ITGB8: variants seen among roughly 807,000 people sequenced by gnomAD.
ITGB8 encodes the protein integrin beta-8.
ITGB8 carries 30 observed loss-of-function variants against 89.5 expected under a neutral mutation model. The observed-to-expected ratio is 0.34, with a 90% CI of 0.25 to 0.45. The LOEUF is 0.45. Among genes scored for constraint, ITGB8 ranks in the 20% least tolerant of loss-of-function variants. ITGB8 has a pLI of 1.00. For missense variants in ITGB8, 836 were observed against 933.3 expected, an observed-to-expected ratio of 0.90 and a Z score of 1.36; for synonymous variants, 335 against 320.4, an observed-to-expected ratio of 1.05 and a Z score of -0.49.
chr7:20,373,882 C>A (rs1786030616), intron 3 of ITGB8, among the ~76,000 whole-genome samples: 1 of 152,156 alleles, frequency 6.6e-6, no homozygotes, highest in African/African-American at 2.4e-5. Flanking sequence ...CCCAGTACAT[C>A]AGAGATGCTC....
At chr7:20,382,613 G>A (rs139653511) in intron 6 of ITGB8, among the ~76,000 whole-genome samples, 2 of 152,232 alleles carry the variant, frequency 1.3e-5, no homozygotes, top group African/African-American at 4.8e-5. Flanking sequence ...CTCAGTTCAT[G>A]AGACCCTAGT....
At chr7:20,404,211 A>G (rs1787437855) in intron 10 of ITGB8, among the ~76,000 whole-genome samples, 1 of 152,240 alleles carries the variant, frequency 6.6e-6, no homozygotes, top group Admixed American at 6.5e-5. Flanking sequence ...CAGCAACATC[A>G]GAAGACTGAG....
chr7:20,398,823 T>C (rs369007131), intron 8 of ITGB8, 37 bp from the exon 9 acceptor site: 2 of 1,441,972 alleles, frequency 1.4e-6, no homozygotes, highest in South Asian at 1.6e-5. Flanking sequence ...CATTTGAAAC[T>C]ACTCTCGTAT....
intron 1 of ITGB8, among the ~76,000 whole-genome samples, chr7:20,360,338 C>T (rs1199896590): frequency 2.2e-5 from 1 of 44,940 alleles, no homozygotes; most frequent in Non-Finnish European, 4.3e-5. Context: ...CATGAGACTA[C>T]AGTCCTTTAA....
intron 2 of ITGB8, chr7:20,366,351 T>A (rs1301909215): frequency 1.3e-5 from 2 of 152,182 alleles, no homozygotes; most frequent in Admixed American, 1.3e-4. Context: ...TTCTCTCACT[T>A]CTGTGCAAAT....
Position 20,404,663 on chromosome 7 carries a change from T to C in ITGB8, c.1723T>C (p.Phe575Leu), listed in dbSNP as rs370722333. ...GTGTGAAGCAGGCAGATGCCAATGC[T>C]TCAGTGGCTGGGAAGGTGATCGATG... is the stretch of plus-strand genomic sequence containing the variant. ...GECEAGRCQC[F>L]SGWEGDRCQC... The change falls in exon 11 of 14, where the codon TTC becomes CTC. Residue 575 changes from phenylalanine to leucine, a missense_variant. Coordinates refer to ENST00000222573, the MANE Select transcript of ITGB8 (RefSeq NM_002214.3). 15 of 1,614,096 alleles carry C rather than the reference T, an allele frequency of 9.3e-6. No homozygotes were observed. In the Admixed American group the frequency reaches 1.3e-4, roughly 14 times the overall value.
At chr7:20,349,893 GTATT>G (rs1218855093) in intron 1 of ITGB8, among the ~76,000 whole-genome samples, 2 of 151,900 alleles carry the variant, frequency 1.3e-5, no homozygotes, top group Non-Finnish European at 2.9e-5. Flanking sequence ...TCAATAAACT[GTATT>G]TATTTAAAAT....
Position 20,414,988 on chromosome 7 carries a change from TA to T in ITGB8, c.*5001del, listed in dbSNP as rs34332977. Reference sequence around the variant, plus strand: ...TAAAATTGTCTAATACAGCAATATTTAAAAAAAAAACACTGCAATTGTCAAG... The same window carrying T: ...TAAAATTGTCTAATACAGCAATATTTAAAAAAAAACACTGCAATTGTCAAG... On this transcript the variant is annotated 3_prime_UTR_variant, in exon 14 of 14. Coordinates refer to ENST00000222573, the MANE Select transcript of ITGB8 (RefSeq NM_002214.3). The T allele has an allele frequency of 0.67, 101,841 of 151,394 alleles. 34,676 individuals are homozygous for T. Among genetic ancestry groups the T allele is most frequent in the East Asian group, 0.99 (5,087 of 5,160 alleles). The allele number at this position is 151,394 out of a possible 1,614,324, so 9.4% of individuals were successfully genotyped here. A position where few individuals can be genotyped will look rare whatever the true frequency, so the allele number is the denominator to read the frequency against.
intron 7 of ITGB8, among the ~76,000 whole-genome samples, chr7:20,392,779 CTG>C (rs1315165705): frequency 6.6e-6 from 1 of 152,194 alleles, no homozygotes; most frequent in African/African-American, 2.4e-5. Flanking sequence ...ATTTTTCTTT[CTG>C]TGTCTGACTT....
rs116949351 is a variant in ITGB8, at chr7:20,413,200, T to C, written c.*3203T>C. 2.0e-3 allele frequency: 307 copies of C among 152,282 alleles called. 3 individuals carry two copies. The highest frequency in any genetic ancestry group is 3.7e-3 in the Non-Finnish European group (251 of 67,942). 9.4% of individuals were successfully genotyped at this position (152,282 alleles called of 1,614,324 possible). A position where few individuals can be genotyped will look rare whatever the true frequency, so the allele number is the denominator to read the frequency against. On this transcript the variant is annotated 3_prime_UTR_variant, in exon 14 of 14. Transcript: ENST00000222573. ...ACTTAAAAATTCACTAAAAATCTGA[T>C]TATGTCTTAAATGTTCAGTTTATCT...
Position 20,380,202 on chromosome 7 carries a change from T to C in ITGB8, c.636-464T>C, listed in dbSNP as rs539872514. On this transcript the variant is annotated intron_variant, in intron 4 of 13. Transcript: ENST00000222573. Reference sequence around the variant, plus strand: ...TTCTCAAAATAATTTTAATGAATATTGATTGTTCATCAATAATTCCACCAA... The same window carrying C: ...TTCTCAAAATAATTTTAATGAATATCGATTGTTCATCAATAATTCCACCAA... 4 of 158,942 alleles carry C rather than the reference T, an allele frequency of 2.5e-5. No homozygotes were observed. In the South Asian group the frequency reaches 7.6e-4, roughly 30 times the overall value. 9.8% of individuals were successfully genotyped at this position (158,942 alleles called of 1,614,324 possible).
chr7:20,380,376 C>T (rs541568884), intron 4 of ITGB8: 35 of 281,742 alleles, frequency 1.2e-4, no homozygotes, highest in Non-Finnish European at 1.8e-4. Flanking sequence ...AAATTCACAG[C>T]GCAGATTAAA....
At chr7:20,364,390 C>G (rs978784057) in intron 2 of ITGB8, among the ~76,000 whole-genome samples, 32 of 152,170 alleles carry the variant, frequency 2.1e-4, no homozygotes, top group African/African-American at 7.7e-4. Flanking sequence ...AGATAAGTCT[C>G]TAGCTTTTGT....
At chr7:20,405,342 C>CA (rs1787492667) in intron 11 of ITGB8, among the ~76,000 whole-genome samples, 1 of 148,794 alleles carries the variant, frequency 6.7e-6, no homozygotes, top group African/African-American at 2.5e-5. Context: ...TTTTTTGTGA[C>CA]AGAGTCTCGC....
At chr7:20,369,604 C>T (rs1785847221) in intron 3 of ITGB8, among the ~76,000 whole-genome samples, 1 of 152,148 alleles carries the variant, frequency 6.6e-6, no homozygotes, top group African/African-American at 2.4e-5. Flanking sequence ...GAGGTTAGGG[C>T]TCCAACATAT....
chr7:20,384,689 G>A (rs1410503842), intron 6 of ITGB8, among the ~76,000 whole-genome samples: 2 of 152,180 alleles, frequency 1.3e-5, no homozygotes, highest in Non-Finnish European at 2.9e-5. Context: ...CTTTGCCACA[G>A]TCTGTCGACT....
At position 20,379,306 on chromosome 7, in the gene ITGB8, G is replaced by C; in HGVS notation, c.635+9G>C. ...ATTCATAATCAATGCAGGTATCTAG[G>C]GTTTGATGTGGATATGCTAAATTAA... On this transcript the variant is annotated intron_variant, in intron 4 of 13. Transcript: ENST00000222573. 6.5e-7 allele frequency: 1 copy of C among 1,527,976 alleles called. No homozygotes were observed. Among genetic ancestry groups the C allele is most frequent in the East Asian group, 2.4e-5 (1 of 41,424 alleles). The allele number at this position is 1,527,976 out of a possible 1,614,324, so 94.7% of individuals were successfully genotyped here.
At chr7:20,384,329 C>A (rs1786519275) in intron 6 of ITGB8, among the ~76,000 whole-genome samples, 1 of 150,118 alleles carries the variant, frequency 6.7e-6, no homozygotes, top group Admixed American at 6.6e-5. Context: ...TAAAAGGAAA[C>A]AACTGATTAA....
intron 12 of ITGB8, among the ~76,000 whole-genome samples, chr7:20,408,937 G>A (rs1292159130): frequency 6.6e-6 from 1 of 152,148 alleles, no homozygotes; most frequent in African/African-American, 2.4e-5. Context: ...TGGAATAGGT[G>A]TAGTTAACAG....
Sources: allele counts gnomAD v4.1 joint callset (sites outside exome capture counted in the v4.1 genomes callset), GRCh38; gene constraint gnomAD v4.1.1; transcripts MANE v1.5; gene names NCBI Gene and HGNC (gene_info 2026-07-23, HGNC 2026-07-21).